The following SLC1A1 variants were observed in gnomAD, a reference collection of about 807,000 sequenced individuals.
SLC1A1 encodes the protein solute carrier family 1 member 1, also known as excitatory amino acid transporter 3.
SLC1A1 carries 43 observed loss-of-function variants against 53.3 expected under a neutral mutation model. The ratio of observed to expected loss-of-function variants is 0.81; its 90% CI spans 0.63 to 1.04. The LOEUF (loss-of-function observed/expected upper bound fraction) is 1.04, where lower values mean the gene tolerates loss of function less well. Ranked by LOEUF, SLC1A1 falls within the 50% of genes least tolerant of loss-of-function variation. The pLI, the probability that SLC1A1 is intolerant of heterozygous loss-of-function variation, is 0.00. For synonymous variants in SLC1A1, 307 were observed against 243.2 expected, an observed-to-expected ratio of 1.26 and a Z score of -2.44; for missense variants, 748 against 664.9, an observed-to-expected ratio of 1.12 and a Z score of -1.37.
At chr9:4,573,875 G>A (rs761638652) in intron 7 of SLC1A1, 32 bp from the exon 8 acceptor site, 43 of 1,444,496 alleles carry the variant, frequency 3.0e-5, no homozygotes, top group Admixed American at 1.5e-4. Context: ...ACTTGATGAC[G>A]GAATCACGCC....
At position 4,556,057 on chromosome 9, in the gene SLC1A1, C is replaced by T. The variant is rs1483880187; in HGVS notation, c.233-5392C>T. ...AGGCTGAAGTGCAGTGGCATGATAT[C>T]GGCTCACTGCAACCTCCACCTCCCA... On this transcript the variant is annotated intron_variant, in intron 2 of 11. Transcript: ENST00000262352. The surrounding 1 kb of genome is among the most constrained non-coding windows in gnomAD (Gnocchi z 4.1). Among the ~76,000 whole-genome samples, 2 of 150,626 alleles carry T rather than the reference C, an allele frequency of 1.3e-5. No individual in the cohort carries two copies. The highest frequency in any genetic ancestry group is 2.4e-5 in the African/African-American group (1 of 40,852).
intron 9 of SLC1A1, among the ~76,000 whole-genome samples, chr9:4,576,362 C>T (rs1820546814): frequency 6.6e-6 from 1 of 152,252 alleles, no homozygotes; most frequent in Admixed American, 6.5e-5. Flanking sequence ...GTGGTGGGCA[C>T]AGCACCTTCT....
chr9:4,541,475 C>T (rs1349438394), intron 1 of SLC1A1, among the ~76,000 whole-genome samples: 3 of 152,138 alleles, frequency 2.0e-5, no homozygotes, highest in Non-Finnish European at 2.9e-5. Context: ...AACATTCCAT[C>T]CTAGTTAGTG....
At chr9:4,497,606 T>C (rs1820478890) in intron 1 of SLC1A1, among the ~76,000 whole-genome samples, 1 of 152,204 alleles carries the variant, frequency 6.6e-6, no homozygotes. Flanking sequence ...CCATAAATTC[T>C]CCTCTGCCTG....
chr9:4,492,710 A>G (rs1404836267), intron 1 of SLC1A1, among the ~76,000 whole-genome samples: 1 of 151,394 alleles, frequency 6.6e-6, no homozygotes, highest in Non-Finnish European at 1.5e-5. Flanking sequence ...TGGGAGGATC[A>G]CCTGAGCCCA....
intron 9 of SLC1A1, 108 bp downstream of exon 9, chr9:4,576,231 A>T (rs1820533158): frequency 9.5e-7 from 1 of 1,051,508 alleles, no homozygotes; most frequent in Non-Finnish European, 1.5e-6. Flanking sequence ...GCTGTCTTTG[A>T]GAAATGACCT....
intron 1 of SLC1A1, among the ~76,000 whole-genome samples, chr9:4,491,143 C>T (rs1180508149): frequency 1.3e-5 from 2 of 152,218 alleles, no homozygotes; most frequent in African/African-American, 2.4e-5. Flanking sequence ...TCACCGCCAC[C>T]TTCCTCACCC....
At position 4,578,254 on chromosome 9, in the gene SLC1A1, T is replaced by C. The variant is rs1165133520; in HGVS notation, c.1193+1491T>C. ...ATTGGAATCGCGGCTACATCATGAT[T>C]AGCTGTGATCTTGGGCAAGTGACTT... On this transcript the variant is annotated intron_variant, in intron 10 of 11. Transcript: ENST00000262352. Among the ~76,000 whole-genome samples the C allele has an allele frequency of 3.9e-5, 6 of 152,200 alleles. No individual in the cohort carries two copies. In the South Asian group the frequency reaches 1.0e-3, roughly 26 times the overall value.
At chr9:4,544,521 C>T (rs776021712) in intron 1 of SLC1A1, 46 bp from the exon 2 acceptor site, 4 of 1,584,808 alleles carry the variant, frequency 2.5e-6, no homozygotes, top group Non-Finnish European at 3.5e-6. Context: ...TACAGGAGAA[C>T]TCAATAATGT....
intron 1 of SLC1A1, among the ~76,000 whole-genome samples, chr9:4,539,640 C>T (rs529718311): frequency 1.3e-5 from 2 of 152,146 alleles, no homozygotes; most frequent in South Asian, 4.2e-4. Context: ...GGCATGATCT[C>T]GGCTCACTGC....
chr9:4,576,638 A>T lies in SLC1A1; in HGVS notation c.1068A>T (p.Arg356=). The change falls in exon 10 of 12, where the codon CGA becomes CGT. Residue 356 remains arginine (R), a synonymous_variant. Transcript: ENST00000262352. ...ACCAGGTGGACAAGAGGATCACTCG[A>T]TTCGTGTTACCCGTTGGTGCAACAA... ...ENNQVDKRIT[R]FVLPVGATIN... is the part of the protein sequence containing the mutation. 6.2e-7 allele frequency: 1 copy of T among 1,614,140 alleles called. No individual in the cohort carries two copies. The highest frequency in any genetic ancestry group is 1.1e-5 in the South Asian group (1 of 91,076).
At chr9:4,541,019 C>G (rs1684885400) in intron 1 of SLC1A1, among the ~76,000 whole-genome samples, 1 of 152,190 alleles carries the variant, frequency 6.6e-6, no homozygotes, top group South Asian at 2.1e-4. Context: ...TCCCAAGCAT[C>G]TGCTTGAAAT....
chr9:4,570,155 C>T (rs73383449), intron 6 of SLC1A1, among the ~76,000 whole-genome samples: 8,551 of 152,214 alleles, frequency 0.056, 771 homozygotes, highest in African/African-American at 0.19. Flanking sequence ...ACATTCATGT[C>T]CCACTCTTCA....
intron 1 of SLC1A1, among the ~76,000 whole-genome samples, chr9:4,525,494 A>G (rs1257616062): frequency 6.6e-6 from 1 of 152,192 alleles, no homozygotes; most frequent in Non-Finnish European, 1.5e-5. Flanking sequence ...ATGATCAAAA[A>G]TTACAAATTA....
intron 1 of SLC1A1, among the ~76,000 whole-genome samples, chr9:4,504,280 T>TACACC (rs1420643633): frequency 6.6e-6 from 1 of 152,204 alleles, no homozygotes; most frequent in Non-Finnish European, 1.5e-5. Flanking sequence ...TAGCAACTCT[T>TACACC]ACACCATTCA....
chr9:4,490,654 C>T lies in SLC1A1; in HGVS notation c.-26C>T. The T allele has an allele frequency of 6.2e-7, 1 of 1,604,068 alleles. No individual in the cohort carries two copies. The highest frequency in any genetic ancestry group is 1.3e-5 in the African/African-American group (1 of 74,762). Reference sequence around the variant, plus strand: ...CCCAGCCCACGCGCGCACGGCCGAGCCCAGCGCACAATAGCGGCGACAGCC... The same window carrying T: ...CCCAGCCCACGCGCGCACGGCCGAGTCCAGCGCACAATAGCGGCGACAGCC... On this transcript the variant is annotated 5_prime_UTR_variant, in exon 1 of 12. Transcript: ENST00000262352.
intron 8 of SLC1A1, 123 bp from the exon 9 acceptor site, chr9:4,575,878 T>G (rs1369949519): frequency 8.9e-7 from 1 of 1,124,344 alleles, no homozygotes. Flanking sequence ...CCTACTCCCA[T>G]TTCTTATTGG....
At position 4,556,420 on chromosome 9, in the gene SLC1A1, C is replaced by T. The variant is rs1262069694; in HGVS notation, c.233-5029C>T. 1.3e-5 allele frequency among the ~76,000 whole-genome samples: 2 copies of T among 152,090 alleles called. No individual in the cohort carries two copies. The highest frequency in any genetic ancestry group is 2.9e-5 in the Non-Finnish European group (2 of 68,044). On this transcript the variant is annotated intron_variant, in intron 2 of 11. Transcript: ENST00000262352. This position sits in a 1 kb window ranked among gnomAD's most constrained non-coding sequence, Gnocchi z 4.1. ...TGATTTCTGTGCAGATGCCATCACA[C>T]CTGCTTAGTTCATTCTCATTTATCA...
At chr9:4,582,052 C>T (rs1038186028) in intron 10 of SLC1A1, among the ~76,000 whole-genome samples, 1 of 152,164 alleles carries the variant, frequency 6.6e-6, no homozygotes, top group African/African-American at 2.4e-5. Flanking sequence ...AGGCCTTGGC[C>T]CAAGGGCAAG....
Sources: allele counts gnomAD v4.1 joint callset (sites outside exome capture counted in the v4.1 genomes callset), GRCh38; gene constraint gnomAD v4.1.1; non-coding constraint Gnocchi (gnomAD v3.1); transcripts MANE v1.5; gene names NCBI Gene and HGNC (gene_info 2026-07-23, HGNC 2026-07-21).